PCDH15: variants seen among roughly 807,000 people sequenced by gnomAD.
The protein encoded by PCDH15 is protocadherin related 15, also known as protocadherin-15.
PCDH15 carries 129 observed loss-of-function variants against 178.5 expected under a neutral mutation model. The ratio of observed to expected loss-of-function variants is 0.72; its 90% confidence interval spans 0.63 to 0.84. PCDH15 has a LOEUF of 0.84. Among genes scored for constraint, PCDH15 ranks in the 40% least tolerant of loss-of-function variants. The pLI is 0.00. For synonymous variants in PCDH15, 800 were observed against 732.0 expected (o/e 1.09, Z -1.50); for missense variants, 2,230 against 2,099.9 (o/e 1.06, Z -1.21).
intron 8 of PCDH15, among the ~76,000 whole-genome samples, chr10:54,287,526 C>T (rs1357746229): frequency 6.6e-6 from 1 of 152,076 alleles, no homozygotes; most frequent in Non-Finnish European, 1.5e-5. Flanking sequence ...ATGTCTCTCT[C>T]ATCAGAGGTT....
intron 2 of PCDH15, among the ~76,000 whole-genome samples, chr10:54,663,730 C>T (rs770607896): frequency 3.3e-5 from 5 of 150,688 alleles, no homozygotes; most frequent in Non-Finnish European, 5.9e-5. Flanking sequence ...TAACGCAATG[C>T]CCAGTTAAAG....
At chr10:54,435,774 T>A (rs2075339233) in intron 3 of PCDH15, among the ~76,000 whole-genome samples, 1 of 151,712 alleles carries the variant, frequency 6.6e-6, no homozygotes, top group Non-Finnish European at 1.5e-5. Flanking sequence ...ATCGAGACCA[T>A]CCTGGCTAAC....
intron 2 of PCDH15, among the ~76,000 whole-genome samples, chr10:54,595,843 A>C (rs2092206235): frequency 6.6e-6 from 1 of 152,326 alleles, no homozygotes; most frequent in Non-Finnish European, 1.5e-5. Flanking sequence ...TAAGAGAAGA[A>C]TACCAAGCTA....
At chr10:54,815,772 G>A (rs764337109) in intron 3 of PCDH15, among the ~76,000 whole-genome samples, 6 of 152,052 alleles carry the variant, frequency 3.9e-5, no homozygotes, top group Non-Finnish European at 5.9e-5. Context: ...TGCAGCTGAG[G>A]TGGACCATCA....
intron 2 of PCDH15, among the ~76,000 whole-genome samples, chr10:55,056,610 T>TTTA (rs60186759): frequency 0.22 from 31,646 of 142,762 alleles, 3,812 homozygotes; most frequent in Non-Finnish European, 0.26. Context: ...TTTATTTTGT[T>TTTA]TTATTATTAT....
At chr10:54,196,422 G>A (rs749909873) in intron 10 of PCDH15, among the ~76,000 whole-genome samples, 9 of 152,188 alleles carry the variant, frequency 5.9e-5, no homozygotes, top group Non-Finnish European at 8.8e-5. Context: ...GATTACAGGC[G>A]TGAGCCACCG....
At chr10:54,738,512 C>T (rs997524477) in intron 1 of PCDH15, among the ~76,000 whole-genome samples, 4 of 151,944 alleles carry the variant, frequency 2.6e-5, no homozygotes, top group Non-Finnish European at 5.9e-5. Context: ...TCTACTCAAA[C>T]TATTTCAAAA....
At chr10:54,687,181 G>A in intron 1 of PCDH15, among the ~76,000 whole-genome samples, 1 of 152,100 alleles carries the variant, frequency 6.6e-6, no homozygotes, top group East Asian at 1.9e-4. Context: ...TGTGGAGAAA[G>A]TGGAACTCTT....
intron 2 of PCDH15, among the ~76,000 whole-genome samples, chr10:55,337,972 T>C (rs78880311): frequency 0.013 from 1,911 of 151,900 alleles, 33 homozygotes; most frequent in African/African-American, 0.044. Flanking sequence ...AGGAAAAAAA[T>C]AGTCTAATTA....
chr10:55,116,338 C>G (rs1837627308), intron 2 of PCDH15, among the ~76,000 whole-genome samples: 1 of 152,050 alleles, frequency 6.6e-6, no homozygotes, highest in Non-Finnish European at 1.5e-5. Flanking sequence ...TTATTTGACT[C>G]AGCTATACAT....
chr10:54,962,098 A>T (rs146814895), intron 2 of PCDH15, among the ~76,000 whole-genome samples: 56 of 152,350 alleles, frequency 3.7e-4, no homozygotes, highest in African/African-American at 1.1e-3. Context: ...TGGGACAAGA[A>T]TTTGGGATCC....
chr10:54,329,822 T>C (rs902314433), intron 6 of PCDH15, 116 bp from the exon 7 acceptor site: 1 of 754,518 alleles, frequency 1.3e-6, no homozygotes, highest in African/African-American at 1.7e-5. Flanking sequence ...CATCTGAAAA[T>C]AGAATGACTA....
At chr10:55,040,993 T>G (rs1036905109) in intron 2 of PCDH15, among the ~76,000 whole-genome samples, 1 of 152,080 alleles carries the variant, frequency 6.6e-6, no homozygotes, top group Admixed American at 6.6e-5. Context: ...ATTATATTTA[T>G]TAGCAATCCA....
At chr10:53,810,697 G>C in intron 36 of PCDH15, 33 bp from the exon 37 acceptor site, 1 of 1,557,936 alleles carries the variant, frequency 6.4e-7, no homozygotes. Context: ...TAAACAGTTT[G>C]TCATGTGATT....
chr10:54,538,659 G>T (rs535695179), intron 2 of PCDH15, among the ~76,000 whole-genome samples: 129 of 152,214 alleles, frequency 8.5e-4, no homozygotes, highest in African/African-American at 3.0e-3. Context: ...TGGATCATGG[G>T]TGTAGGATTT....
At chr10:54,621,934 AAAG>A (rs2093361491) in intron 2 of PCDH15, among the ~76,000 whole-genome samples, 1 of 152,026 alleles carries the variant, frequency 6.6e-6, no homozygotes, top group African/African-American at 2.4e-5. Flanking sequence ...TAAAGAAAGG[AAAG>A]AAGAGGTATT....
chr10:54,957,607 A>T (rs983820691), intron 2 of PCDH15, among the ~76,000 whole-genome samples: 1 of 151,594 alleles, frequency 6.6e-6, no homozygotes, highest in Non-Finnish European at 1.5e-5. Context: ...TAACTATAAT[A>T]CAGAGATCAA....
At chr10:55,253,255 T>TGCGTGA (rs1434728797) in intron 1 of PCDH15, among the ~76,000 whole-genome samples, 3 of 151,064 alleles carry the variant, frequency 2.0e-5, no homozygotes, top group Non-Finnish European at 3.0e-5. Context: ...TGTGCGTGTG[T>TGCGTGA]GTGTGTGTGT....
intron 2 of PCDH15, among the ~76,000 whole-genome samples, chr10:54,535,871 T>C (rs771526800): frequency 3.9e-5 from 6 of 152,190 alleles, no homozygotes; most frequent in Admixed American, 3.3e-4. Flanking sequence ...CTTTATTTTA[T>C]AGTTTTATGT....
Sources: gnomAD v4.1 joint callset for allele counts (sites outside exome capture counted in the v4.1 genomes callset) on GRCh38, gnomAD v4.1.1 for gene constraint, MANE v1.5 for transcripts, NCBI Gene and HGNC (gene_info 2026-07-23, HGNC 2026-07-21) for gene names.